HDAC9: variants seen among roughly 807,000 people sequenced by gnomAD.
HDAC9 encodes histone deacetylase 9, also known as MEF-2 interacting transcription repressor (MITR) protein.
Under a neutral mutation model 139.4 loss-of-function variants are expected in HDAC9, and 41 were observed. The ratio of observed to expected loss-of-function variants is 0.29; its 90% CI spans 0.23 to 0.38. HDAC9 has a LOEUF of 0.38. Among genes scored for constraint, HDAC9 ranks in the 10% least tolerant of loss-of-function variants. The pLI is 1.00. For missense variants in HDAC9, 1,147 were observed against 1,297.0 expected (o/e 0.88, Z 1.78); for synonymous variants, 517 against 476.2 (o/e 1.09, Z -1.12).
intron 2 of HDAC9, among the ~76,000 whole-genome samples, chr7:18,563,444 T>C (rs910232759): frequency 1.3e-5 from 2 of 152,222 alleles, no homozygotes; most frequent in South Asian, 4.1e-4. Context: ...CTTTTGTTGT[T>C]ATTGTTAGCT....
intron 2 of HDAC9, among the ~76,000 whole-genome samples, chr7:18,580,317 TA>T (rs1428416592): frequency 3.9e-5 from 6 of 152,090 alleles, no homozygotes; most frequent in Non-Finnish European, 8.8e-5. Context: ...TTATGAACAT[TA>T]AAAAGAAGGA....
At chr7:18,632,642 GA>G (rs1476815866) in intron 7 of HDAC9, among the ~76,000 whole-genome samples, 1 of 152,056 alleles carries the variant, frequency 6.6e-6, no homozygotes, top group Non-Finnish European at 1.5e-5. Context: ...GCAATGGTGG[GA>G]AATAATATTA....
At chr7:18,220,761 A>C (rs1254720526) in intron 2 of HDAC9, among the ~76,000 whole-genome samples, 1 of 152,166 alleles carries the variant, frequency 6.6e-6, no homozygotes, top group East Asian at 1.9e-4. Context: ...AGAGACTTTA[A>C]TGTAGCAGTG....
chr7:18,430,857 A>G (rs556310998), intron 1 of HDAC9: 1 of 152,476 alleles, frequency 6.6e-6, no homozygotes, highest in South Asian at 2.1e-4. Context: ...AGTGCCCTCC[A>G]TCCTGGACAA....
At chr7:18,382,629 T>C (rs1217638159) in intron 1 of HDAC9, among the ~76,000 whole-genome samples, 1 of 152,222 alleles carries the variant, frequency 6.6e-6, no homozygotes, top group East Asian at 1.9e-4. Context: ...AAATTTCAGA[T>C]AGCAGTCTAA....
chr7:18,829,614 C>T, intron 19 of HDAC9, 66 bp downstream of exon 19: 1 of 1,030,116 alleles, frequency 9.7e-7, no homozygotes, highest in South Asian at 1.4e-5. Context: ...ATTTGTATTT[C>T]TCTGTTAGGT....
intron 23 of HDAC9, among the ~76,000 whole-genome samples, chr7:18,945,847 A>T (rs527644387): frequency 2.0e-5 from 3 of 151,524 alleles, no homozygotes; most frequent in African/African-American, 4.8e-5. Context: ...GACCATCCTA[A>T]CCAACATGGT....
intron 3 of HDAC9, among the ~76,000 whole-genome samples, chr7:18,589,816 G>A (rs562511273): frequency 6.6e-6 from 1 of 152,236 alleles, no homozygotes; most frequent in East Asian, 1.9e-4. Flanking sequence ...TTGAGAACTT[G>A]CTCTGTAAGA....
At chr7:18,318,775 C>T (rs1799829080) in intron 1 of HDAC9, among the ~76,000 whole-genome samples, 1 of 152,146 alleles carries the variant, frequency 6.6e-6, no homozygotes, top group Non-Finnish European at 1.5e-5. Context: ...TGTGAAATAC[C>T]TCTTTTCCTC....
chr7:18,148,656 C>T (rs1015309414), intron 1 of HDAC9, among the ~76,000 whole-genome samples: 2 of 152,062 alleles, frequency 1.3e-5, no homozygotes, highest in Non-Finnish European at 2.9e-5. Flanking sequence ...GATGGGATTT[C>T]ACCATGTTGG....
At chr7:18,698,078 A>G (rs943226401) in intron 12 of HDAC9, among the ~76,000 whole-genome samples, 7 of 152,206 alleles carry the variant, frequency 4.6e-5, no homozygotes, top group African/African-American at 1.4e-4. Flanking sequence ...ATCTGTTATC[A>G]TAAACACTGA....
chr7:18,794,043 C>T (rs183926190), intron 17 of HDAC9, among the ~76,000 whole-genome samples: 1 of 152,182 alleles, frequency 6.6e-6, no homozygotes, highest in Non-Finnish European at 1.5e-5. Flanking sequence ...CAAACCCCAG[C>T]GTTTCCCAGT....
intron 2 of HDAC9, among the ~76,000 whole-genome samples, chr7:18,508,294 A>T (rs1800409100): frequency 6.6e-6 from 1 of 152,218 alleles, no homozygotes; most frequent in East Asian, 1.9e-4. Flanking sequence ...TCTTTCTAAA[A>T]AAAGTAGATT....
intron 1 of HDAC9, among the ~76,000 whole-genome samples, chr7:18,318,737 T>C (rs1230461187): frequency 1.3e-5 from 2 of 152,182 alleles, no homozygotes; most frequent in Non-Finnish European, 2.9e-5. Flanking sequence ...GAGACCTGGG[T>C]TCATACTTTG....
intron 2 of HDAC9, among the ~76,000 whole-genome samples, chr7:18,565,483 T>C (rs1041753911): frequency 1.3e-5 from 2 of 152,192 alleles, no homozygotes; most frequent in African/African-American, 4.8e-5. Flanking sequence ...GCTTGCTGTG[T>C]TTACCATTGT....
chr7:18,455,973 C>G (rs777128848), intron 1 of HDAC9, among the ~76,000 whole-genome samples: 1 of 152,030 alleles, frequency 6.6e-6, no homozygotes, highest in Non-Finnish European at 1.5e-5. Context: ...CTAAAAGAAA[C>G]AGAAGAAGCT....
At chr7:18,157,044 C>T (rs1366097314) in intron 1 of HDAC9, among the ~76,000 whole-genome samples, 3 of 152,130 alleles carry the variant, frequency 2.0e-5, no homozygotes, top group South Asian at 2.1e-4. Context: ...GCTGTGATCA[C>T]GTGAGACAAA....
At chr7:18,962,323 C>T (rs1278590610) in intron 24 of HDAC9, among the ~76,000 whole-genome samples, 1 of 152,158 alleles carries the variant, frequency 6.6e-6, no homozygotes, top group East Asian at 1.9e-4. Context: ...ACCCTGCCAA[C>T]CCTCGCTTGT....
chr7:18,610,154 A>G (rs1156513427), intron 6 of HDAC9, among the ~76,000 whole-genome samples: 1 of 152,166 alleles, frequency 6.6e-6, no homozygotes, highest in African/African-American at 2.4e-5. Flanking sequence ...ACCAACCCCA[A>G]TGTCCATCAG....
Sources: allele counts gnomAD v4.1 joint callset (sites outside exome capture counted in the v4.1 genomes callset), GRCh38; gene constraint gnomAD v4.1.1; transcripts MANE v1.5; gene names NCBI Gene and HGNC (gene_info 2026-07-23, HGNC 2026-07-21).